The following GATAD1 variants were observed in gnomAD, a reference collection of about 807,000 sequenced individuals.
The protein encoded by GATAD1 is GATA zinc finger domain-containing protein 1.
A neutral mutation model predicts 26.5 loss-of-function variants in GATAD1; 12 were observed. The ratio of observed to expected loss-of-function variants is 0.45; its 90% CI spans 0.29 to 0.73. The LOEUF (loss-of-function observed/expected upper bound fraction) is 0.73. Ranked by LOEUF, GATAD1 falls within the 30% of genes least tolerant of loss-of-function variation. The probability of loss-of-function intolerance (pLI) is 0.10; values close to 1 mark genes in which losing one functional copy is unlikely to be tolerated. For synonymous variants in GATAD1, 129 were observed against 133.1 expected, an observed-to-expected ratio of 0.97 and a Z score of 0.21; for missense variants, 266 against 342.1, an observed-to-expected ratio of 0.78 and a Z score of 1.75.
rs191769615 is a variant in GATAD1, at chr7:92,454,698, A to G, written c.619+13A>G. ...TCCTATATCATAGGTAAGTTTGACA[A>G]ATGGCACAGGTTTTTTTTTAACTTA... On this transcript the variant is annotated intron_variant, in intron 4 of 4. Coordinates refer to ENST00000287957, the MANE Select transcript of GATAD1 (RefSeq NM_021167.5). 6.4e-7 allele frequency: 1 copy of G among 1,556,594 alleles called. No individual in the cohort carries two copies. The highest frequency in any genetic ancestry group is 2.1e-5 in the Admixed American group (1 of 47,884).
chr7:92,453,861 G>A (rs1165897986), intron 3 of GATAD1, among the ~76,000 whole-genome samples: 1 of 152,188 alleles, frequency 6.6e-6, no homozygotes, highest in Non-Finnish European at 1.5e-5. Context: ...CATGACTGTG[G>A]CTAACAAAGT....
the GATAD1 span, chr7:92,470,858 T>A: frequency 1.8e-5 from 3 of 168,114 alleles, no homozygotes; most frequent in Non-Finnish European, 4.3e-5. Context: ...AGTTGCAGAT[T>A]CTTTTTAAGG....
At chr7:92,487,561 AT>A in the GATAD1 span, 6 of 1,179,496 alleles carry the variant, frequency 5.1e-6, no homozygotes, top group Non-Finnish European at 7.6e-6. Flanking sequence ...GAAAGAGATA[AT>A]TTAATATGTA....
chr7:92,491,494 A>G, the GATAD1 span: 1,324 of 1,600,362 alleles, frequency 8.3e-4, no homozygotes, highest in Non-Finnish European at 1.0e-3. Flanking sequence ...CAGAGCTGGA[A>G]CTTCCATCCT....
At chr7:92,461,265 T>A (rs1041154025), downstream of GATAD1, 9 of 152,200 alleles carry the variant, frequency 5.9e-5, no homozygotes, top group African/African-American at 2.2e-4. Flanking sequence ...GAGACTGATG[T>A]AGGTTCAAGT....
chr7:92,489,518 A>G, the GATAD1 span: 5 of 1,180,666 alleles, frequency 4.2e-6, no homozygotes, highest in African/African-American at 1.5e-5. Context: ...AGTTTTTTCA[A>G]GAGACCATAC....
chr7:92,494,420 T>C, the GATAD1 span: 1 of 1,613,226 alleles, frequency 6.2e-7, no homozygotes. Context: ...GAACATTTTT[T>C]TACCAAAATC....
At position 92,447,840 on chromosome 7, in the gene GATAD1, CGGCGCGGGCAGCGGG is replaced by C. The variant is rs779421592; in HGVS notation, c.117_131del (p.Gly43_Gly47del). On this transcript the variant is annotated inframe_deletion, in exon 1 of 5. Transcript: ENST00000287957. The stretch of plus-strand genomic sequence containing the variant: ...TCTGCCATCATTGCACTGGCCGGGG[CGGCGCGGGCAGCGGG>C]GGCGCAGGCTCGGGGGCGGCTGGAG... 4.0e-5 allele frequency: 56 copies of C among 1,405,750 alleles called. No homozygotes were observed. In the East Asian group the frequency reaches 8.9e-4, roughly 22 times the overall value. The allele number at this position is 1,405,750 out of a possible 1,614,324, so 87.1% of individuals were successfully genotyped here.
At chr7:92,463,368 T>C (rs1217442475), downstream of GATAD1, among the ~76,000 whole-genome samples, 1 of 152,116 alleles carries the variant, frequency 6.6e-6, no homozygotes, top group African/African-American at 2.4e-5. Flanking sequence ...TGGTTAATAC[T>C]GGGCTGGCGC....
At chr7:92,495,248 T>G in the GATAD1 span, among the ~76,000 whole-genome samples, 2 of 152,292 alleles carry the variant, frequency 1.3e-5, no homozygotes, top group African/African-American at 2.4e-5. Context: ...TGAATATTAA[T>G]TCCATATCTG....
chr7:92,490,495 C>T, the GATAD1 span, among the ~76,000 whole-genome samples: 1 of 151,782 alleles, frequency 6.6e-6, no homozygotes, highest in Non-Finnish European at 1.5e-5. Flanking sequence ...ATTAGCTGGG[C>T]ATGGTGGCAT....
the GATAD1 span, chr7:92,494,720 GTATTTATATA>G: frequency 3.7e-5 from 35 of 943,354 alleles, no homozygotes; most frequent in Admixed American, 9.0e-4. Context: ...TTTATTTTAT[GTATTTATATA>G]TATTTATATA....
intron 3 of GATAD1, among the ~76,000 whole-genome samples, chr7:92,453,382 C>G (rs565628284): frequency 3.3e-5 from 5 of 152,280 alleles, no homozygotes; most frequent in African/African-American, 9.6e-5. Flanking sequence ...TTATTTCCAG[C>G]TCAAGACCCA....
At chr7:92,483,116 G>T in the GATAD1 span, among the ~76,000 whole-genome samples, 1 of 152,172 alleles carries the variant, frequency 6.6e-6, no homozygotes, top group African/African-American at 2.4e-5. Flanking sequence ...AGAGTTCCAG[G>T]GGCTCTGGGA....
At chr7:92,473,574 GC>G in the GATAD1 span, among the ~76,000 whole-genome samples, 1 of 152,020 alleles carries the variant, frequency 6.6e-6, no homozygotes, top group African/African-American at 2.4e-5. Flanking sequence ...GTGTATAATG[GC>G]CCCTGCTTTT....
chr7:92,454,603 C>A lies in GATAD1; in HGVS notation c.537C>A (p.Cys179Ter), dbSNP rs727503061. The A allele has an allele frequency of 6.2e-7, 1 of 1,613,036 alleles. No homozygotes were observed. Among genetic ancestry groups the A allele is most frequent in the Admixed American group, 1.7e-5 (1 of 60,014 alleles). The change falls in exon 4 of 5, where the codon TGC (cysteine) becomes TGA (stop). Residue 179 changes from cysteine (C) to a stop codon, truncating the protein, a stop_gained. Coordinates refer to ENST00000287957, the MANE Select transcript of GATAD1 (RefSeq NM_021167.5). LOFTEE classifies it high-confidence loss of function. ...GAGGTTTTATCCAGGACCAGTATTG[C>A]GAGAAGAGTGCAGCACTGACGTGGC... is the stretch of plus-strand genomic sequence containing the variant. ...QIRGFIQDQY[C>*]EKSAALTWLI...
In GATAD1 at chr7:92,447,882, G is replaced by A. The variant is rs2115836933; in HGVS notation, c.153G>A (p.Gly51=). Residue 51 remains glycine, a synonymous_variant, in exon 1 of 5, where the codon GGG becomes GGA. Coordinates refer to ENST00000287957, the MANE Select transcript of GATAD1 (RefSeq NM_021167.5). Reference sequence around the variant, plus strand: ...GCGCAGGCTCGGGGGCGGCTGGAGGGACTGGGGGCAGCGGCGGCGGCGGCT... The same window carrying A: ...GCGCAGGCTCGGGGGCGGCTGGAGGAACTGGGGGCAGCGGCGGCGGCGGCT... The part of the protein sequence containing the change: ...SGGAGSGAAG[G]TGGSGGGGFG... The A allele has an allele frequency of 7.7e-7, 1 of 1,290,988 alleles. No homozygotes were observed. The highest frequency in any genetic ancestry group is 9.8e-7 in the Non-Finnish European group (1 of 1,018,888). 80.0% of individuals were successfully genotyped at this position (1,290,988 alleles called of 1,614,324 possible). A position where few individuals can be genotyped will look rare whatever the true frequency, so the allele number is the denominator to read the frequency against.
At chr7:92,465,498 A>C in the GATAD1 span, among the ~76,000 whole-genome samples, 87 of 152,134 alleles carry the variant, frequency 5.7e-4, no homozygotes, top group African/African-American at 2.0e-3. Flanking sequence ...GCTGCCTGTA[A>C]TCCCAGCTAC....
At chr7:92,480,291 C>G in the GATAD1 span, among the ~76,000 whole-genome samples, 1 of 152,192 alleles carries the variant, frequency 6.6e-6, no homozygotes, top group East Asian at 1.9e-4. Flanking sequence ...CTCTACCCAT[C>G]CAGTGACAGT....
Sources: gnomAD v4.1 joint callset for allele counts (sites outside exome capture counted in the v4.1 genomes callset) on GRCh38, gnomAD v4.1.1 for gene constraint, MANE v1.5 for transcripts, NCBI Gene and HGNC (gene_info 2026-07-23, HGNC 2026-07-21) for gene names.